VPS8: variants seen among roughly 807,000 people sequenced by gnomAD.
The protein encoded by VPS8 is vacuolar protein sorting-associated protein 8 homolog.
VPS8 carries 129 observed loss-of-function variants against 216.4 expected under a neutral mutation model. That is an observed-to-expected ratio of 0.60 (90% confidence interval 0.52 to 0.69). The LOEUF is 0.69. VPS8 is among the 30% of genes least tolerant of loss of function. The pLI is 0.00. For synonymous variants in VPS8, 571 were observed against 565.4 expected (o/e 1.01, Z -0.14); for missense variants, 1,531 against 1,683.5 (o/e 0.91, Z 1.59).
At chr3:184,944,060 C>T (rs868156112) in intron 36 of VPS8, among the ~76,000 whole-genome samples, 1 of 148,534 alleles carries the variant, frequency 6.7e-6, no homozygotes, top group Non-Finnish European at 1.5e-5. Context: ...CACACACACA[C>T]ACAAACAAAC....
intron 21 of VPS8, among the ~76,000 whole-genome samples, chr3:184,882,720 T>C (rs1042098554): frequency 6.6e-6 from 1 of 152,156 alleles, no homozygotes. Context: ...TTTTAAGTTA[T>C]GAATTCAATT....
chr3:184,992,969 T>G (rs1224179170), intron 42 of VPS8, among the ~76,000 whole-genome samples: 1 of 152,098 alleles, frequency 6.6e-6, no homozygotes, highest in Non-Finnish European at 1.5e-5. Context: ...GCCACTAGCA[T>G]TTGATAATGG....
chr3:184,957,767 T>C (rs1745857507), intron 37 of VPS8, among the ~76,000 whole-genome samples: 1 of 152,226 alleles, frequency 6.6e-6, no homozygotes, highest in South Asian at 2.1e-4. Context: ...AGGCAGTGGC[T>C]TAGGGGCTTT....
intron 34 of VPS8, 143 bp downstream of exon 34, chr3:184,930,711 T>G: frequency 1.6e-6 from 1 of 618,740 alleles, no homozygotes; most frequent in Non-Finnish European, 2.9e-6. Context: ...TTATTCTACC[T>G]CATATTTGTA....
chr3:184,890,732 ATCTT>A (rs1483484465), intron 22 of VPS8, among the ~76,000 whole-genome samples: 2 of 152,148 alleles, frequency 1.3e-5, no homozygotes, highest in African/African-American at 2.4e-5. Flanking sequence ...TATTATGGAC[ATCTT>A]TCTTGGTTAA....
intron 21 of VPS8, among the ~76,000 whole-genome samples, chr3:184,875,002 T>G (rs559229988): frequency 6.6e-6 from 1 of 152,072 alleles, no homozygotes; most frequent in South Asian, 2.1e-4. Flanking sequence ...TCTCTTATTA[T>G]GGAATGTATT....
chr3:185,004,462 AG>A (rs1426933430), intron 45 of VPS8, among the ~76,000 whole-genome samples: 15 of 149,434 alleles, frequency 1.0e-4, no homozygotes, highest in African/African-American at 3.6e-4. Flanking sequence ...CCTCAGAGGG[AG>A]ACCGTGGAAA....
intron 47 of VPS8, among the ~76,000 whole-genome samples, chr3:185,050,838 A>G (rs773008558): frequency 3.3e-5 from 5 of 152,074 alleles, no homozygotes; most frequent in Non-Finnish European, 5.9e-5. Flanking sequence ...ACTGGCCTCC[A>G]TGTGAGCCTA....
At chr3:184,961,572 G>C (rs569677117) in intron 37 of VPS8, among the ~76,000 whole-genome samples, 1 of 151,916 alleles carries the variant, frequency 6.6e-6, no homozygotes, top group Non-Finnish European at 1.5e-5. Context: ...CTCCCCTGAG[G>C]TCTCCACCAT....
intron 19 of VPS8, 29 bp from the exon 20 acceptor site, chr3:184,869,452 GT>G (rs750882135): frequency 1.2e-6 from 2 of 1,611,264 alleles, no homozygotes; most frequent in Non-Finnish European, 1.7e-6. Flanking sequence ...ACTAACTTTT[GT>G]TTTTTTGTTG....
At chr3:185,005,112 A>G (rs1754060527) in intron 45 of VPS8, among the ~76,000 whole-genome samples, 1 of 152,144 alleles carries the variant, frequency 6.6e-6, no homozygotes, top group Admixed American at 6.5e-5. Context: ...TATCCCAAGC[A>G]CCATTTGTTG....
intron 22 of VPS8, among the ~76,000 whole-genome samples, chr3:184,887,273 G>A (rs1731457468): frequency 6.6e-6 from 1 of 152,144 alleles, no homozygotes; most frequent in South Asian, 2.1e-4. Flanking sequence ...TTTGAGCGCA[G>A]GAAGTCAAGG....
chr3:185,035,205 C>T (rs1343230513), intron 46 of VPS8, among the ~76,000 whole-genome samples: 1 of 152,124 alleles, frequency 6.6e-6, no homozygotes, highest in African/African-American at 2.4e-5. Flanking sequence ...GATATCAATC[C>T]TACTGAAAGT....
At position 184,826,214 on chromosome 3, in the gene VPS8, G is replaced by A. The variant is rs558563238; in HGVS notation, c.205G>A (p.Glu69Lys). The A allele has an allele frequency of 4.7e-5, 75 of 1,610,604 alleles. 1 individual carries two copies. Among genetic ancestry groups the A allele is most frequent in the South Asian group, 4.2e-4 (38 of 90,454 alleles). ...TCAAGTTGATACTCCTCCAACACTG[G>A]AAAGCATACTAAATGAGGTAAGTGA... ...IPQVDTPPTL[E>K]SILNETDDED... The change falls in exon 3 of 48, where the codon GAA becomes AAA. Residue 69 changes from glutamate (E) to lysine (K), a missense_variant. Coordinates refer to ENST00000625842, the MANE Select transcript of VPS8 (RefSeq NM_001009921.3).
chr3:184,896,262 T>G (rs780616706), intron 23 of VPS8, among the ~76,000 whole-genome samples: 22 of 152,168 alleles, frequency 1.4e-4, no homozygotes, highest in Middle Eastern at 3.2e-3. Flanking sequence ...CATCTAGTTT[T>G]GCCTACCTAT....
rs961532254 is a variant in VPS8, at chr3:184,839,968, A to G, written c.535+216A>G. 5 of 1,216,500 alleles carry G rather than the reference A, an allele frequency of 4.1e-6. No homozygotes were observed. The African/African-American group carries it at 7.9e-5, about 19-fold the overall frequency. 75.4% of individuals were successfully genotyped at this position (1,216,500 alleles called of 1,614,324 possible). On this transcript the variant is annotated intron_variant, in intron 7 of 47. Coordinates refer to ENST00000625842, the MANE Select transcript of VPS8 (RefSeq NM_001009921.3). ...AGTTTATTTTCTTCTTCATGAATTT[A>G]TAAGCTATCATATCTATTGATCTCT...
intron 23 of VPS8, among the ~76,000 whole-genome samples, chr3:184,897,632 A>G (rs1292471487): frequency 1.3e-5 from 2 of 152,112 alleles, no homozygotes; most frequent in African/African-American, 4.8e-5. Context: ...AGAGGGGTAG[A>G]GAGGGAGTCG....
chr3:184,906,048 A>T (rs1302601572), intron 25 of VPS8, among the ~76,000 whole-genome samples: 1 of 152,028 alleles, frequency 6.6e-6, no homozygotes. Context: ...CATATTGTTG[A>T]TTTGAGGTCT....
At chr3:184,860,967 GC>G (rs1174559381) in intron 15 of VPS8, among the ~76,000 whole-genome samples, 1 of 151,476 alleles carries the variant, frequency 6.6e-6, no homozygotes, top group African/African-American at 2.4e-5. Context: ...GACTACAGGT[GC>G]CCCCCCATCA....
Sources: allele counts gnomAD v4.1 joint callset (sites outside exome capture counted in the v4.1 genomes callset), GRCh38; gene constraint gnomAD v4.1.1; transcripts MANE v1.5; gene names NCBI Gene and HGNC (gene_info 2026-07-23, HGNC 2026-07-21).